The following TSHR variants were observed in gnomAD, a reference collection of about 807,000 sequenced individuals.
The protein encoded by TSHR is thyrotropin receptor.
In TSHR, 51 loss-of-function variants were observed where a neutral mutation model predicts 64.1. The observed-to-expected ratio is 0.80, with a 90% confidence interval of 0.64 to 1.01. The LOEUF (loss-of-function observed/expected upper bound fraction) is 1.01. Among genes scored for constraint, TSHR ranks in the 50% least tolerant of loss-of-function variants. The pLI is 0.00. For synonymous variants in TSHR, 361 were observed against 361.9 expected, an observed-to-expected ratio of 1.00 and a Z score of 0.03; for missense variants, 877 against 942.8, an observed-to-expected ratio of 0.93 and a Z score of 0.91.
rs1025518837 is a variant in TSHR at position 81,145,885 on chromosome 14, C to T, written c.*1532C>T. 5 of 232,472 alleles carry T rather than the reference C, an allele frequency of 2.2e-5. No homozygotes were observed. Among genetic ancestry groups the T allele is most frequent in the Non-Finnish European group, 4.2e-5 (5 of 117,650 alleles). The allele number at this position is 232,472 out of a possible 1,614,324, so 14.4% of individuals were successfully genotyped here. A position where few individuals can be genotyped will look rare whatever the true frequency, so the allele number is the denominator to read the frequency against. ...AGAGATGACATTACTTCTGAATGCT[C>T]ATAAACCACACCATGAAATAAAAGC... On this transcript the variant is annotated 3_prime_UTR_variant, in exon 10 of 10. Transcript: ENST00000298171.
intron 1 of TSHR, among the ~76,000 whole-genome samples, chr14:81,023,015 G>A (rs1210485049): frequency 3.9e-5 from 6 of 152,150 alleles, no homozygotes; most frequent in Admixed American, 3.9e-4. Context: ...TCAGTTTGCT[G>A]TGTGCATGTG....
chr14:80,987,028 C>T (rs540496110), intron 1 of TSHR, among the ~76,000 whole-genome samples: 1 of 152,182 alleles, frequency 6.6e-6, no homozygotes, highest in Non-Finnish European at 1.5e-5. Flanking sequence ...TTTTTCCCAA[C>T]ATTCATGCAC....
chr14:81,039,924 TATC>T (rs1884839190), intron 1 of TSHR, among the ~76,000 whole-genome samples: 4 of 152,156 alleles, frequency 2.6e-5, no homozygotes, highest in Admixed American at 2.6e-4. Context: ...ATGAAATCCT[TATC>T]AAAATTCCAA....
chr14:81,111,974 C>T (rs1890242569), intron 8 of TSHR, among the ~76,000 whole-genome samples: 1 of 152,106 alleles, frequency 6.6e-6, no homozygotes, highest in Non-Finnish European at 1.5e-5. Flanking sequence ...AAACTACCTG[C>T]TTGTACTGCC....
intron 2 of TSHR, among the ~76,000 whole-genome samples, chr14:81,062,545 A>C (rs1886319640): frequency 6.6e-6 from 1 of 152,188 alleles, no homozygotes. Flanking sequence ...CGTAGTTTAT[A>C]AAGTAAACAT....
At chr14:81,014,585 T>C (rs1273371638) in intron 1 of TSHR, among the ~76,000 whole-genome samples, 3 of 152,204 alleles carry the variant, frequency 2.0e-5, no homozygotes, top group Non-Finnish European at 4.4e-5. Context: ...ACAATGGCAC[T>C]GTATGGTCAA....
At chr14:81,017,829 CTTTT>C (rs58604814) in intron 1 of TSHR, among the ~76,000 whole-genome samples, 1 of 137,070 alleles carries the variant, frequency 7.3e-6, no homozygotes, top group Non-Finnish European at 1.6e-5. Flanking sequence ...ATTGTATAAT[CTTTT>C]TTTTTTTTTT....
chr14:81,018,002 TG>T (rs1219468120), intron 1 of TSHR, among the ~76,000 whole-genome samples: 2 of 152,170 alleles, frequency 1.3e-5, no homozygotes, highest in South Asian at 2.1e-4. Flanking sequence ...GCCAATTTTT[TG>T]TATTGTTAGT....
At chr14:81,009,726 G>T (rs1889806873) in intron 1 of TSHR, among the ~76,000 whole-genome samples, 2 of 151,636 alleles carry the variant, frequency 1.3e-5, no homozygotes, top group Admixed American at 6.6e-5. Context: ...TATATTTTTG[G>T]CTATCTAGTA....
chr14:81,002,232 A>G (rs1320317820), intron 1 of TSHR, among the ~76,000 whole-genome samples: 1 of 152,128 alleles, frequency 6.6e-6, no homozygotes, highest in East Asian at 1.9e-4. Context: ...TCTGGCCCCA[A>G]AAGTTTCTGG....
At chr14:80,998,663 A>G (rs1007607514) in intron 1 of TSHR, among the ~76,000 whole-genome samples, 3 of 152,116 alleles carry the variant, frequency 2.0e-5, no homozygotes, top group African/African-American at 7.2e-5. Flanking sequence ...GCCAATATAA[A>G]GAAAATGAGT....
At chr14:81,029,277 AT>A (rs1884227791) in intron 1 of TSHR, among the ~76,000 whole-genome samples, 1 of 152,082 alleles carries the variant, frequency 6.6e-6, no homozygotes, top group Non-Finnish European at 1.5e-5. Context: ...TTATGAGGAC[AT>A]ATTTTCCCTT....
At chr14:81,010,500 GCT>G (rs1278193250) in intron 1 of TSHR, among the ~76,000 whole-genome samples, 2 of 151,326 alleles carry the variant, frequency 1.3e-5, no homozygotes, top group Non-Finnish European at 2.9e-5. Flanking sequence ...TTTTTAATGA[GCT>G]TTTTAAATTT....
chr14:80,997,953 T>C lies in TSHR; in HGVS notation c.170+42103T>C, dbSNP rs991201508. 6.6e-5 allele frequency among the ~76,000 whole-genome samples: 10 copies of C among 152,312 alleles called. No homozygotes were observed. In the South Asian group the frequency reaches 1.9e-3, roughly 28 times the overall value. On this transcript the variant is annotated intron_variant, in intron 1 of 9. Transcript: ENST00000298171. ...TTGTCTGAACTGTCTCATGAGATGG[T>C]ATTTACCTACTTGGGAAGCTCATTC... is the stretch of plus-strand genomic sequence containing the variant.
chr14:80,998,950 A>G (rs990004957), intron 1 of TSHR, among the ~76,000 whole-genome samples: 6 of 152,236 alleles, frequency 3.9e-5, no homozygotes, highest in Non-Finnish European at 7.3e-5. Flanking sequence ...GGCTGGTTCC[A>G]TCAAGAACAC....
chr14:80,964,775 A>G (rs1402135277), intron 1 of TSHR, among the ~76,000 whole-genome samples: 1 of 152,228 alleles, frequency 6.6e-6, no homozygotes, highest in African/African-American at 2.4e-5. Flanking sequence ...TCTTTTTATT[A>G]TATTACAAAC....
At chr14:81,120,212 C>T (rs971695501) in intron 8 of TSHR, among the ~76,000 whole-genome samples, 4 of 151,994 alleles carry the variant, frequency 2.6e-5, no homozygotes, top group African/African-American at 9.7e-5. Flanking sequence ...AAAAGAATCA[C>T]TGATAGTCTC....
intron 1 of TSHR, among the ~76,000 whole-genome samples, chr14:80,974,341 A>T (rs768395116): frequency 5.3e-5 from 8 of 152,208 alleles, no homozygotes; most frequent in Non-Finnish European, 1.0e-4. Flanking sequence ...TCTTCCAGAT[A>T]TATTCATTCC....
At chr14:81,068,231 T>C in intron 2 of TSHR, 23 bp from the exon 3 acceptor site, 1 of 1,609,792 alleles carries the variant, frequency 6.2e-7, no homozygotes. Context: ...TTCTACTTTG[T>C]CTTATATTTT....
Sources: allele counts gnomAD v4.1 joint callset (sites outside exome capture counted in the v4.1 genomes callset), GRCh38; gene constraint gnomAD v4.1.1; transcripts MANE v1.5; gene names NCBI Gene and HGNC (gene_info 2026-07-23, HGNC 2026-07-21).